Variants in ABCC6 observed in about 807,000 individuals in gnomAD.
ABCC6 encodes the protein ATP-binding cassette sub-family C member 6.
Under a neutral mutation model 169.5 loss-of-function variants are expected in ABCC6, and 126 were observed. The ratio of observed to expected loss-of-function variants is 0.74; its 90% confidence interval spans 0.64 to 0.86. ABCC6 has a LOEUF of 0.86. Ranked by LOEUF, ABCC6 falls within the 40% of genes least tolerant of loss-of-function variation. ABCC6 has a pLI of 0.00. For missense variants in ABCC6, 1,733 were observed against 1,927.2 expected (o/e 0.90, Z 1.89); for synonymous variants, 752 against 814.7 (o/e 0.92, Z 1.31).
rs60712230 is a variant in ABCC6 at position 16,173,364 on chromosome 16, C to G, written c.2707G>C (p.Glu903Gln). Reference sequence around the variant, plus strand: ...TCCAGAGGAACCTCTGTCTGGGCTTCTGAAGTGGTACGGTCCTTCTCAGGG... The same window carrying G: ...TCCAGAGGAACCTCTGTCTGGGCTTGTGAAGTGGTACGGTCCTTCTCAGGG... ...SVPEKDRTTS[E>Q]AQTEVPLDDP... The change falls in exon 21 of 31, where the codon GAA becomes CAA. Residue 903 changes from glutamate (E) to glutamine (Q), a missense_variant. Physicochemically the swap from Glu to Gln is conservative, Grantham distance 29 (BLOSUM62 2). Transcript: ENST00000205557. 1.3e-3 allele frequency: 2,089 copies of G among 1,614,068 alleles called. 31 individuals are homozygous for G. In the African/African-American group the frequency reaches 0.025, roughly 19 times the overall value.
At chr16:16,202,960 A>G (rs1028797430) in intron 8 of ABCC6, among the ~76,000 whole-genome samples, 3 of 152,170 alleles carry the variant, frequency 2.0e-5, no homozygotes, top group African/African-American at 7.2e-5. Flanking sequence ...AAGCACCCAC[A>G]TGAACAAGTC....
intron 5 of ABCC6, among the ~76,000 whole-genome samples, chr16:16,213,531 A>AT (rs1253396174): frequency 7.0e-6 from 1 of 143,464 alleles, no homozygotes; most frequent in Non-Finnish European, 1.5e-5. Context: ...TGGAGCACTT[A>AT]CCCCAAGGGT....
At chr16:16,200,426 T>G (rs2048198616) in intron 9 of ABCC6, among the ~76,000 whole-genome samples, 1 of 112,122 alleles carries the variant, frequency 8.9e-6, no homozygotes, top group African/African-American at 3.4e-5. Context: ...CGAAACTCTG[T>G]CAGAAAAAAA....
At chr16:16,164,400 G>C (rs1020423814) in intron 23 of ABCC6, among the ~76,000 whole-genome samples, 1 of 152,024 alleles carries the variant, frequency 6.6e-6, no homozygotes, top group Non-Finnish European at 1.5e-5. Flanking sequence ...GGCTGGGTTG[G>C]GGTGCTGTCA....
chr16:16,193,213 C>G (rs750727815), intron 10 of ABCC6, among the ~76,000 whole-genome samples: 1 of 152,172 alleles, frequency 6.6e-6, no homozygotes, highest in Non-Finnish European at 1.5e-5. Flanking sequence ...ATCCTCACTG[C>G]TACACTCCAC....
chr16:16,186,505 C>T (rs2047657559), intron 14 of ABCC6, among the ~76,000 whole-genome samples: 1 of 151,582 alleles, frequency 6.6e-6, no homozygotes, highest in Non-Finnish European at 1.5e-5. Context: ...CTGAGCTCCA[C>T]CTCCTGCCAA....
chr16:16,167,338 G>A (rs118054622), intron 22 of ABCC6, among the ~76,000 whole-genome samples: 1 of 152,350 alleles, frequency 6.6e-6, no homozygotes, highest in East Asian at 1.9e-4. Context: ...ACAGGAAGCT[G>A]TCACAGAGGA....
intron 5 of ABCC6, among the ~76,000 whole-genome samples, chr16:16,213,488 G>A (rs2048717789): frequency 6.7e-6 from 1 of 150,226 alleles, no homozygotes; most frequent in South Asian, 2.1e-4. Flanking sequence ...GTTACCTATT[G>A]TAAATCTCTC....
At chr16:16,217,490 G>T (rs1312268876) in intron 4 of ABCC6, among the ~76,000 whole-genome samples, 1 of 151,886 alleles carries the variant, frequency 6.6e-6, no homozygotes. Context: ...TGGAAAGATC[G>T]CTTGAGCCCA....
intron 22 of ABCC6, among the ~76,000 whole-genome samples, chr16:16,167,614 CACTG>C (rs2046918687): frequency 6.6e-6 from 1 of 152,192 alleles, no homozygotes; most frequent in South Asian, 2.1e-4. Flanking sequence ...GGATTACAAA[CACTG>C]ACACCATGCC....
At chr16:16,177,279 T>A (rs910780693) in intron 19 of ABCC6, among the ~76,000 whole-genome samples, 173 bp downstream of exon 19, 1 of 152,252 alleles carries the variant, frequency 6.6e-6, no homozygotes, top group Non-Finnish European at 1.5e-5. Context: ...GATGATGTTA[T>A]CGGCTATTCT....
chr16:16,169,626 G>A lies in ABCC6; in HGVS notation c.2995+20C>T. The A allele has an allele frequency of 6.2e-7, 1 of 1,609,604 alleles. No individual in the cohort carries two copies. The highest frequency in any genetic ancestry group is 8.5e-7 in the Non-Finnish European group (1 of 1,179,186). ...GGTGCAGCTGGGAGGAGAGGGATGA[G>A]GAGGGCAGGTGAGGCGTACCTTGGA... On this transcript the variant is annotated intron_variant, in intron 22 of 30. Transcript: ENST00000205557.
intron 10 of ABCC6, among the ~76,000 whole-genome samples, chr16:16,195,589 A>G (rs527394898): frequency 7.9e-5 from 12 of 152,206 alleles, no homozygotes; most frequent in African/African-American, 2.9e-4. Context: ...CTGGGATTAC[A>G]GGCGTGAGCC....
chr16:16,160,830 C>G (rs116355367), intron 25 of ABCC6, among the ~76,000 whole-genome samples: 1 of 151,774 alleles, frequency 6.6e-6, no homozygotes, highest in African/African-American at 2.4e-5. Context: ...CAAACCAAAA[C>G]GAACAAAAAC....
At chr16:16,210,328 G>C (rs1209330472) in intron 6 of ABCC6, among the ~76,000 whole-genome samples, 1 of 151,140 alleles carries the variant, frequency 6.6e-6, no homozygotes, top group Admixed American at 6.6e-5. Context: ...GTAGAGATGG[G>C]GTTTCACCAT....
rs201662659 is a variant in ABCC6, at chr16:16,221,550, C to T, written c.219+99G>A. The T allele has an allele frequency of 0.035, 54,588 of 1,545,070 alleles. 1,087 individuals carry two copies. The highest frequency in any genetic ancestry group is 0.047 in the African/African-American group (3,418 of 73,000). The stretch of plus-strand genomic sequence containing the variant: ...GATTAACAGATTCCCTTCTACACCC[C>T]GATAGGAGGAGTCTACTTTAAGACT... On this transcript the variant is annotated intron_variant, in intron 2 of 30. Coordinates refer to ENST00000205557, the MANE Select transcript of ABCC6 (RefSeq NM_001171.6).
intron 7 of ABCC6, among the ~76,000 whole-genome samples, chr16:16,208,089 G>C (rs1166321447): frequency 6.6e-6 from 1 of 152,180 alleles, no homozygotes. Flanking sequence ...GCAGCTGCTT[G>C]TGTGTTGAGT....
chr16:16,170,660 T>C (rs2047030145), intron 21 of ABCC6, among the ~76,000 whole-genome samples: 2 of 152,000 alleles, frequency 1.3e-5, no homozygotes, highest in Admixed American at 6.6e-5. Flanking sequence ...GGGTGGCTCA[T>C]ACCTGTAAGC....
chr16:16,154,511 T>G, intron 29 of ABCC6, 117 bp downstream of exon 29: 1 of 1,294,130 alleles, frequency 7.7e-7, no homozygotes, highest in South Asian at 1.3e-5. Flanking sequence ...ATGTGGTTAT[T>G]AATGTAACAG....
Sources: gnomAD v4.1 joint callset for allele counts (sites outside exome capture counted in the v4.1 genomes callset) on GRCh38, gnomAD v4.1.1 for gene constraint, MANE v1.5 for transcripts, NCBI Gene and HGNC (gene_info 2026-07-23, HGNC 2026-07-21) for gene names.